The following SLIT1 variants were observed in gnomAD, a reference collection of about 807,000 sequenced individuals.
The protein encoded by SLIT1 is slit homolog 1 protein.
A neutral mutation model predicts 186.1 loss-of-function variants in SLIT1; 66 were observed. The observed-to-expected ratio is 0.35, with a 90% confidence interval of 0.29 to 0.44. The LOEUF (loss-of-function observed/expected upper bound fraction) is 0.44. SLIT1 is among the 20% of genes least tolerant of loss of function. The probability of loss-of-function intolerance (pLI) is 1.00; values close to 1 mark genes in which losing one functional copy is unlikely to be tolerated. For synonymous variants in SLIT1, 761 were observed against 833.8 expected, an observed-to-expected ratio of 0.91 and a Z score of 1.50; for missense variants, 1,638 against 2,037.4, an observed-to-expected ratio of 0.80 and a Z score of 3.77.
At chr10:97,151,306 A>C (rs1412925323) in intron 4 of SLIT1, among the ~76,000 whole-genome samples, 1 of 141,040 alleles carries the variant, frequency 7.1e-6, no homozygotes, top group Non-Finnish European at 1.5e-5. Context: ...AGGAGTTGGG[A>C]GATAGAAGGG....
chr10:97,156,983 T>C (rs1420091720), intron 4 of SLIT1, among the ~76,000 whole-genome samples: 1 of 152,224 alleles, frequency 6.6e-6, no homozygotes, highest in East Asian at 1.9e-4. Flanking sequence ...CTGACAGCTC[T>C]TCAAAAACTA....
chr10:97,095,005 A>G (rs1849272259), intron 4 of SLIT1, among the ~76,000 whole-genome samples: 1 of 152,196 alleles, frequency 6.6e-6, no homozygotes, highest in Non-Finnish European at 1.5e-5. Context: ...GAGATAGGCC[A>G]GGTGCAGTGG....
At chr10:97,034,937 C>T (rs1340272591) in intron 22 of SLIT1, among the ~76,000 whole-genome samples, 1 of 152,188 alleles carries the variant, frequency 6.6e-6, no homozygotes. Context: ...CCCTACGAGG[C>T]AGTCCTATGA....
intron 1 of SLIT1, among the ~76,000 whole-genome samples, chr10:97,173,619 G>A (rs1055362083): frequency 7.2e-5 from 11 of 151,784 alleles, no homozygotes; most frequent in Non-Finnish European, 1.2e-4. Flanking sequence ...ACGAGGATCT[G>A]AGCAAAGCCA....
At chr10:97,112,088 C>T (rs1172502572) in intron 4 of SLIT1, among the ~76,000 whole-genome samples, 6 of 152,172 alleles carry the variant, frequency 3.9e-5, no homozygotes, top group Non-Finnish European at 8.8e-5. Flanking sequence ...ACGTTCCCTT[C>T]GCTGTCCAAG....
chr10:97,096,571 G>T (rs1273242844), intron 4 of SLIT1, among the ~76,000 whole-genome samples: 2 of 152,042 alleles, frequency 1.3e-5, no homozygotes, highest in East Asian at 3.9e-4. Context: ...AAGGCTTCAC[G>T]GAGCCCGAGC....
At chr10:97,095,265 A>G (rs1476886132) in intron 4 of SLIT1, among the ~76,000 whole-genome samples, 4 of 152,260 alleles carry the variant, frequency 2.6e-5, no homozygotes. Flanking sequence ...CCTGGGCAAC[A>G]GAGCAAAACT....
At chr10:97,127,828 C>T (rs1379818462) in intron 4 of SLIT1, among the ~76,000 whole-genome samples, 1 of 152,210 alleles carries the variant, frequency 6.6e-6, no homozygotes, top group Non-Finnish European at 1.5e-5. Context: ...GCCACCTCTT[C>T]GGGCCTCACT....
intron 4 of SLIT1, among the ~76,000 whole-genome samples, chr10:97,077,661 T>C (rs1474800148): frequency 6.6e-6 from 1 of 152,188 alleles, no homozygotes; most frequent in Non-Finnish European, 1.5e-5. Flanking sequence ...CAACTGCCGC[T>C]ACTAAATCCT....
intron 4 of SLIT1, among the ~76,000 whole-genome samples, chr10:97,140,188 C>T (rs774187667): frequency 1.3e-5 from 2 of 152,018 alleles, no homozygotes; most frequent in Non-Finnish European, 2.9e-5. Flanking sequence ...TGTCTCGCCA[C>T]CAGAATTTAT....
intron 4 of SLIT1, among the ~76,000 whole-genome samples, chr10:97,145,315 G>A (rs971503260): frequency 3.9e-5 from 6 of 152,084 alleles, no homozygotes; most frequent in African/African-American, 1.4e-4. Context: ...ACAGGGTTTC[G>A]CCCTGTTGGC....
At position 96,999,817 on chromosome 10, in the gene SLIT1, C is replaced by T. The variant is rs1172632635; in HGVS notation, c.*1295G>A. On this transcript the variant is annotated 3_prime_UTR_variant, in exon 37 of 37. Coordinates refer to ENST00000266058, the MANE Select transcript of SLIT1 (RefSeq NM_003061.3). ...CTCAGCTCAACTCTTCCCGGGCATC[C>T]TGGTCATTCCTGCGATGCTCTGGGA... 2.0e-5 allele frequency: 3 copies of T among 152,316 alleles called. No homozygotes were observed. The highest frequency in any genetic ancestry group is 6.5e-5 in the Admixed American group (1 of 15,290). The allele number at this position is 152,316 out of a possible 1,614,324, so 9.4% of individuals were successfully genotyped here.
At chr10:97,183,013 C>T (rs1045221396) in intron 1 of SLIT1, among the ~76,000 whole-genome samples, 52 of 151,880 alleles carry the variant, frequency 3.4e-4, no homozygotes, top group Non-Finnish European at 1.3e-4. Flanking sequence ...GGCCCCATGA[C>T]CTGACAAGCA....
rs1260427267 is a variant in SLIT1, at chr10:97,000,231, T to C, written c.*881A>G. Reference sequence around the variant, plus strand: ...CCCTCACACCCAGTCCCTCTACCAATAGGTCACCGACAGCTTGTGGCTGAC... The same window carrying C: ...CCCTCACACCCAGTCCCTCTACCAACAGGTCACCGACAGCTTGTGGCTGAC... On this transcript the variant is annotated 3_prime_UTR_variant, in exon 37 of 37. Transcript: ENST00000266058. The C allele has an allele frequency of 4.6e-5, 7 of 152,430 alleles. No homozygotes were observed. Among genetic ancestry groups the C allele is most frequent in the South Asian group, 2.1e-4 (1 of 4,818 alleles). 9.4% of individuals were successfully genotyped at this position (152,430 alleles called of 1,614,324 possible).
At chr10:97,064,332 C>T (rs1260940995) in intron 6 of SLIT1, 93 bp from the exon 7 acceptor site, 1 of 1,019,458 alleles carries the variant, frequency 9.8e-7, no homozygotes, top group East Asian at 2.5e-5. Context: ...AGGCTCTCGA[C>T]CTTAAAGTGA....
chr10:97,109,331 C>T (rs1849443663), intron 4 of SLIT1, among the ~76,000 whole-genome samples: 1 of 152,156 alleles, frequency 6.6e-6, no homozygotes, highest in African/African-American at 2.4e-5. Context: ...GATAATGATG[C>T]CCGCACTCCT....
At chr10:97,080,714 C>A (rs1478059093) in intron 4 of SLIT1, among the ~76,000 whole-genome samples, 4 of 152,212 alleles carry the variant, frequency 2.6e-5, no homozygotes, top group Non-Finnish European at 5.9e-5. Context: ...AAATGCAAAC[C>A]AGTCAACTCA....
chr10:97,182,002 TG>T (rs1331138252), intron 1 of SLIT1, among the ~76,000 whole-genome samples: 1 of 152,242 alleles, frequency 6.6e-6, no homozygotes, highest in Non-Finnish European at 1.5e-5. Context: ...TGACCATGGC[TG>T]GGTCTCTCTG....
chr10:97,051,533 C>T (rs7476547), intron 13 of SLIT1, among the ~76,000 whole-genome samples: 8 of 131,062 alleles, frequency 6.1e-5, no homozygotes, highest in Admixed American at 3.6e-4. Context: ...ATGAAAATGT[C>T]GGGCGCGGTG....
Sources: gnomAD v4.1 joint callset for allele counts (sites outside exome capture counted in the v4.1 genomes callset) on GRCh38, gnomAD v4.1.1 for gene constraint, MANE v1.5 for transcripts, NCBI Gene and HGNC (gene_info 2026-07-23, HGNC 2026-07-21) for gene names.